Variants in ATF7IP2 observed in about 807,000 individuals in gnomAD.
ATF7IP2 encodes activating transcription factor 7 interacting protein 2, also known as activating transcription factor 7-interacting protein 2.
ATF7IP2 carries 42 observed loss-of-function variants against 64.2 expected under a neutral mutation model. The ratio of observed to expected loss-of-function variants is 0.65; its 90% CI spans 0.51 to 0.85. The LOEUF (loss-of-function observed/expected upper bound fraction) is 0.85, where lower values mean the gene tolerates loss of function less well. ATF7IP2 is among the 40% of genes least tolerant of loss of function. The pLI is 0.00. For synonymous variants in ATF7IP2, 308 were observed against 272.8 expected (o/e 1.13, Z -1.27); for missense variants, 933 against 784.2 (o/e 1.19, Z -2.27).
chr16:10,457,700 G>A, intron 9 of ATF7IP2, 171 bp downstream of exon 9: 1 of 480,256 alleles, frequency 2.1e-6, no homozygotes, highest in Non-Finnish European at 3.4e-6. Flanking sequence ...TTTTTTTTTG[G>A]TTTTTGGGTT....
At position 10,482,375 on chromosome 16, in the gene ATF7IP2, C is replaced by T; in HGVS notation, c.*126C>T. On this transcript the variant is annotated 3_prime_UTR_variant, in exon 14 of 14. Transcript: ENST00000562102. ...GAGCCCTTTCTATTGGGACAGTCCTCTTCTATATGTTTTAAGTGGCCAGTA... is the reference window on the plus strand; with the variant it reads ...GAGCCCTTTCTATTGGGACAGTCCTTTTCTATATGTTTTAAGTGGCCAGTA... 1 of 672,508 alleles carries T rather than the reference C, an allele frequency of 1.5e-6. No individual in the cohort carries two copies. The highest frequency in any genetic ancestry group is 1.8e-5 in the African/African-American group (1 of 54,886). 41.7% of individuals were successfully genotyped at this position (672,508 alleles called of 1,614,324 possible).
intron 8 of ATF7IP2, among the ~76,000 whole-genome samples, chr16:10,451,094 G>A (rs967249395): frequency 1.3e-5 from 2 of 152,200 alleles, no homozygotes; most frequent in Non-Finnish European, 2.9e-5. Flanking sequence ...GGCTGGATAT[G>A]AAATTTTGGG....
chr16:10,463,090 T>C (rs191233626), intron 9 of ATF7IP2, among the ~76,000 whole-genome samples: 34 of 152,348 alleles, frequency 2.2e-4, no homozygotes, highest in East Asian at 1.5e-3. Context: ...CAGATCTATT[T>C]CTGATGACTC....
chr16:10,450,699 T>A (rs994336761), intron 8 of ATF7IP2, among the ~76,000 whole-genome samples: 1 of 152,144 alleles, frequency 6.6e-6, no homozygotes. Context: ...ATTTTGAGCC[T>A]GTGTGTGTCT....
At chr16:10,465,437 C>G (rs1371515126) in intron 9 of ATF7IP2, among the ~76,000 whole-genome samples, 1 of 151,802 alleles carries the variant, frequency 6.6e-6, no homozygotes, top group East Asian at 1.9e-4. Context: ...AGTTTCCCTC[C>G]CAGATGTGGT....
chr16:10,460,593 G>T (rs1464251567), intron 9 of ATF7IP2, among the ~76,000 whole-genome samples: 1 of 152,126 alleles, frequency 6.6e-6, no homozygotes, highest in East Asian at 1.9e-4. Flanking sequence ...TTGCGTGGCA[G>T]TCAGTCATTT....
chr16:10,456,783 G>C (rs570296049), intron 8 of ATF7IP2, among the ~76,000 whole-genome samples: 1 of 152,270 alleles, frequency 6.6e-6, no homozygotes, highest in South Asian at 2.1e-4. Flanking sequence ...GAATTGGGGG[G>C]TTAGCCACCA....
chr16:10,475,728 A>AG (rs1232574249), intron 12 of ATF7IP2, among the ~76,000 whole-genome samples: 3 of 149,774 alleles, frequency 2.0e-5, no homozygotes, highest in African/African-American at 7.3e-5. Context: ...GCCAGAAAAA[A>AG]AAAAAAAAAA....
intron 1 of ATF7IP2, among the ~76,000 whole-genome samples, chr16:10,394,267 A>C (rs1029670198): frequency 6.6e-6 from 1 of 152,210 alleles, no homozygotes; most frequent in Non-Finnish European, 1.5e-5. Context: ...GACAAAATAT[A>C]CTGAAACAGT....
At chr16:10,438,526 T>G (rs1047989215) in intron 7 of ATF7IP2, among the ~76,000 whole-genome samples, 5 of 151,830 alleles carry the variant, frequency 3.3e-5, no homozygotes, top group Non-Finnish European at 5.9e-5. Context: ...GTGCTGGGAC[T>G]ACAGGCGTGC....
At chr16:10,413,947 C>G (rs1192235462) in intron 1 of ATF7IP2, among the ~76,000 whole-genome samples, 2 of 152,092 alleles carry the variant, frequency 1.3e-5, no homozygotes, top group Non-Finnish European at 2.9e-5. Context: ...ATGCTTTTGC[C>G]TTACAGCTCA....
intron 9 of ATF7IP2, among the ~76,000 whole-genome samples, chr16:10,458,516 G>A (rs1255729191): frequency 2.0e-5 from 3 of 152,164 alleles, no homozygotes; most frequent in Admixed American, 6.5e-5. Context: ...AGAACCCTGC[G>A]ATTTATAAAA....
intron 12 of ATF7IP2, among the ~76,000 whole-genome samples, chr16:10,474,561 C>G (rs2049934361): frequency 6.6e-6 from 1 of 151,978 alleles, no homozygotes; most frequent in African/African-American, 2.4e-5. Flanking sequence ...CAGAGAGTGA[C>G]AACAGTGTCT....
At chr16:10,408,803 G>T (rs76416265) in intron 1 of ATF7IP2, among the ~76,000 whole-genome samples, 1 of 152,192 alleles carries the variant, frequency 6.6e-6, no homozygotes, top group African/African-American at 2.4e-5. Context: ...TGCTTACTCT[G>T]CTGACTCTTC....
intron 9 of ATF7IP2, among the ~76,000 whole-genome samples, chr16:10,464,080 G>A (rs2049468160): frequency 6.6e-6 from 1 of 151,766 alleles, no homozygotes; most frequent in Admixed American, 6.6e-5. Context: ...CTTGGATCTT[G>A]GTCTCTCTAG....
In ATF7IP2 at chr16:10,482,020, C is replaced by T; in HGVS notation, c.1820C>T (p.Pro607Leu). The T allele has an allele frequency of 1.2e-6, 2 of 1,613,986 alleles. No homozygotes were observed. The highest frequency in any genetic ancestry group is 1.7e-6 in the Non-Finnish European group (2 of 1,179,944). ...ACCAAAATCAATCCCAAGTGTGCTC[C>T]TGTAGAAAGCTACCACCTCTTCCTG... ...NITKINPKCA[P>L]VESYHLFLCH... Residue 607 changes from proline (P) to leucine (L), a missense_variant, in exon 14 of 14, where the codon CCT becomes CTT. Transcript: ENST00000562102.
chr16:10,412,339 G>A (rs953240862), intron 1 of ATF7IP2, among the ~76,000 whole-genome samples: 5 of 152,042 alleles, frequency 3.3e-5, no homozygotes, highest in Non-Finnish European at 5.9e-5. Context: ...TCCTAGCCCC[G>A]CCTTTGCTAT....
intron 9 of ATF7IP2, among the ~76,000 whole-genome samples, chr16:10,469,544 C>T (rs537776401): frequency 5.9e-5 from 9 of 152,036 alleles, no homozygotes; most frequent in African/African-American, 2.2e-4. Flanking sequence ...AAAAAGTAGC[C>T]ACACAAAAGA....
chr16:10,413,500 C>G (rs925607638), intron 1 of ATF7IP2, among the ~76,000 whole-genome samples: 5 of 152,152 alleles, frequency 3.3e-5, no homozygotes, highest in African/African-American at 1.2e-4. Context: ...GTCTTTATCA[C>G]CAGCATGAAA....
Sources: allele counts gnomAD v4.1 joint callset (sites outside exome capture counted in the v4.1 genomes callset), GRCh38; gene constraint gnomAD v4.1.1; transcripts MANE v1.5; gene names NCBI Gene and HGNC (gene_info 2026-07-23, HGNC 2026-07-21).